The following CALCRL variants were observed in gnomAD, a reference collection of about 807,000 sequenced individuals.
CALCRL encodes calcitonin gene-related peptide type 1 receptor.
Under a neutral mutation model 60.4 loss-of-function variants are expected in CALCRL, and 27 were observed. That is an observed-to-expected ratio of 0.45 (90% confidence interval 0.33 to 0.62). The LOEUF is 0.62. CALCRL is among the 20% of genes least tolerant of loss of function. The probability of loss-of-function intolerance (pLI) is 0.03; values close to 1 mark genes in which losing one functional copy is unlikely to be tolerated. For missense variants in CALCRL, 424 were observed against 540.7 expected (o/e 0.78, Z 2.14); for synonymous variants, 190 against 182.6 (o/e 1.04, Z -0.33).
At chr2:187,446,014 T>C (rs1304830698) in intron 1 of CALCRL, among the ~76,000 whole-genome samples, 1 of 151,182 alleles carries the variant, frequency 6.6e-6, no homozygotes, top group Non-Finnish European at 1.5e-5. Flanking sequence ...CTTTGGTATG[T>C]AAGATAGAAA....
intron 1 of CALCRL, among the ~76,000 whole-genome samples, chr2:187,421,807 T>A (rs1689883230): frequency 6.6e-6 from 1 of 152,196 alleles, no homozygotes; most frequent in Non-Finnish European, 1.5e-5. Context: ...CCAGTAAGCA[T>A]AGACACCATG....
chr2:187,346,373 C>T lies in CALCRL; in HGVS notation c.1197G>A (p.Trp399Ter). ...GEVQAILRRNWNQYKIQFGNS... is the reference protein window; with the variant it reads ...GEVQAILRRN ...TTCCAAATTGGATTTTGTATTGATT[C>T]CAGTTTCTTCTCAGAATTGCTTGAA... The change falls in exon 15 of 15, where the codon TGG (tryptophan) becomes TGA (stop). Residue 399 changes from tryptophan (W) to a stop codon, truncating the protein, a stop_gained. Coordinates refer to ENST00000392370, the MANE Select transcript of CALCRL (RefSeq NM_005795.6). LOFTEE classifies it high-confidence loss of function. 1 of 1,611,164 alleles carries T rather than the reference C, an allele frequency of 6.2e-7. No homozygotes were observed. The highest frequency in any genetic ancestry group is 8.5e-7 in the Non-Finnish European group (1 of 1,178,324).
chr2:187,364,143 T>A (rs1278125077), intron 8 of CALCRL, among the ~76,000 whole-genome samples: 1 of 151,266 alleles, frequency 6.6e-6, no homozygotes, highest in African/African-American at 2.4e-5. Context: ...GAGTTCCTCT[T>A]GTATAAAACA....
At chr2:187,416,846 CCT>C (rs1456786470) in intron 1 of CALCRL, among the ~76,000 whole-genome samples, 1 of 151,910 alleles carries the variant, frequency 6.6e-6, no homozygotes, top group Non-Finnish European at 1.5e-5. Context: ...TCAATAAAGA[CCT>C]ATAATCAGGC....
At chr2:187,374,599 T>C (rs146118887) in intron 8 of CALCRL, among the ~76,000 whole-genome samples, 1 of 152,276 alleles carries the variant, frequency 6.6e-6, no homozygotes, top group South Asian at 2.1e-4. Context: ...TTCTTTCCTT[T>C]CTCAGTGTTC....
chr2:187,368,968 G>C (rs1687411406), intron 8 of CALCRL, among the ~76,000 whole-genome samples: 1 of 152,118 alleles, frequency 6.6e-6, no homozygotes, highest in Non-Finnish European at 1.5e-5. Context: ...ATGAGAAGTA[G>C]ATATAACCTC....
At chr2:187,384,333 C>T (rs1688117075) in intron 4 of CALCRL, among the ~76,000 whole-genome samples, 1 of 152,132 alleles carries the variant, frequency 6.6e-6, no homozygotes, top group Non-Finnish European at 1.5e-5. Context: ...AAGCACGTAA[C>T]TCCTGTTCTT....
At chr2:187,365,268 T>C (rs1687228752) in intron 8 of CALCRL, among the ~76,000 whole-genome samples, 1 of 152,202 alleles carries the variant, frequency 6.6e-6, no homozygotes, top group African/African-American at 2.4e-5. Context: ...TTATATTATG[T>C]GTGGTTTATT....
chr2:187,442,516 CTCTT>C (rs1234125243), intron 1 of CALCRL, among the ~76,000 whole-genome samples: 6 of 151,756 alleles, frequency 4.0e-5, no homozygotes, highest in African/African-American at 1.2e-4. Context: ...TGCACAGGCA[CTCTT>C]TCTTTGTATT....
At chr2:187,429,534 T>C (rs1308812950) in intron 1 of CALCRL, among the ~76,000 whole-genome samples, 1 of 152,234 alleles carries the variant, frequency 6.6e-6, no homozygotes, top group Non-Finnish European at 1.5e-5. Context: ...CTCTCCTAAG[T>C]GTCTGTTCTG....
intron 1 of CALCRL, among the ~76,000 whole-genome samples, chr2:187,408,751 A>T (rs1689236919): frequency 6.6e-6 from 1 of 152,110 alleles, no homozygotes; most frequent in Non-Finnish European, 1.5e-5. Flanking sequence ...AAATTAAGTA[A>T]TTTAATAACT....
intron 9 of CALCRL, among the ~76,000 whole-genome samples, chr2:187,361,972 A>G (rs1373487206): frequency 6.6e-6 from 1 of 152,026 alleles, no homozygotes; most frequent in African/African-American, 2.4e-5. Flanking sequence ...GGTGAAAATG[A>G]GATAGTCTAC....
chr2:187,437,765 G>A (rs1326595060), intron 1 of CALCRL, among the ~76,000 whole-genome samples: 1 of 152,144 alleles, frequency 6.6e-6, no homozygotes, highest in Non-Finnish European at 1.5e-5. Flanking sequence ...AAACAGGAAA[G>A]GATAGTGGTA....
At chr2:187,354,472 A>C (rs988234969) in intron 12 of CALCRL, among the ~76,000 whole-genome samples, 1 of 152,030 alleles carries the variant, frequency 6.6e-6, no homozygotes, top group Non-Finnish European at 1.5e-5. Context: ...AATGTGATGG[A>C]GGAAGTCTGA....
intron 8 of CALCRL, among the ~76,000 whole-genome samples, chr2:187,364,381 A>G (rs1192838201): frequency 1.6e-4 from 24 of 152,132 alleles, no homozygotes; most frequent in Admixed American, 1.5e-3. Flanking sequence ...TTGAACCTGA[A>G]TACTTAATGT....
At chr2:187,435,875 T>C (rs1486295591) in intron 1 of CALCRL, among the ~76,000 whole-genome samples, 2 of 151,280 alleles carry the variant, frequency 1.3e-5, no homozygotes, top group East Asian at 3.9e-4. Context: ...CGTGCGTGTG[T>C]GTGTGTGTGT....
At chr2:187,379,273 T>A (rs1363388657) in intron 7 of CALCRL, among the ~76,000 whole-genome samples, 1 of 152,054 alleles carries the variant, frequency 6.6e-6, no homozygotes, top group Non-Finnish European at 1.5e-5. Context: ...TTTTTAATAA[T>A]TTTTTAAAAA....
chr2:187,440,431 A>G (rs1690846246), intron 1 of CALCRL, among the ~76,000 whole-genome samples: 2 of 152,202 alleles, frequency 1.3e-5, no homozygotes, highest in South Asian at 4.1e-4. Context: ...GACCTACATC[A>G]TAGTTAGATT....
At chr2:187,364,212 A>G (rs186557812) in intron 8 of CALCRL, among the ~76,000 whole-genome samples, 98 of 152,276 alleles carry the variant, frequency 6.4e-4, no homozygotes, top group Middle Eastern at 6.8e-3. Flanking sequence ...AAGTGTCACT[A>G]ATGATAACTG....
Sources: gnomAD v4.1 joint callset for allele counts (sites outside exome capture counted in the v4.1 genomes callset) on GRCh38, gnomAD v4.1.1 for gene constraint, MANE v1.5 for transcripts, NCBI Gene and HGNC (gene_info 2026-07-23, HGNC 2026-07-21) for gene names.